The following RYR2 variants were observed in gnomAD, a reference collection of about 807,000 sequenced individuals.
RYR2 encodes the protein cardiac muscle ryanodine receptor-calcium release channel.
Under a neutral mutation model 601.1 loss-of-function variants are expected in RYR2, and 227 were observed. That is an observed-to-expected ratio of 0.38 (90% confidence interval 0.34 to 0.42). RYR2 has a LOEUF of 0.42. Among genes scored for constraint, RYR2 ranks in the 10% least tolerant of loss-of-function variants. The pLI, the probability that RYR2 is intolerant of heterozygous loss-of-function variation, is 1.00. For missense variants in RYR2, 4,646 were observed against 6,156.5 expected (o/e 0.75, Z 8.21); for synonymous variants, 2,223 against 2,175.1 (o/e 1.02, Z -0.61).
At position 237,669,491 on chromosome 1, in the gene RYR2, TG is replaced by T. The variant is rs565796570; in HGVS notation, c.8590+1535del. On this transcript the variant is annotated intron_variant, in intron 58 of 104. Coordinates refer to ENST00000366574, the MANE Select transcript of RYR2 (RefSeq NM_001035.3). The stretch of plus-strand genomic sequence containing the variant: ...CCCCTCACCTCCCGGACGGGGCGGC[TG>T]GCCGGGCGGGGGGCTGACCCCCCCC... Among the ~76,000 whole-genome samples the T allele has an allele frequency of 4.4e-5, 6 of 135,626 alleles. No homozygotes were observed. The South Asian group carries it at 1.6e-3, about 35-fold the overall frequency. The allele number at this position is 135,626 out of a possible 152,430, so 89.0% of individuals were successfully genotyped here. A position where few individuals can be genotyped will look rare whatever the true frequency, so the allele number is the denominator to read the frequency against.
intron 1 of RYR2, among the ~76,000 whole-genome samples, chr1:237,255,335 T>G (rs978558615): frequency 2.6e-5 from 4 of 152,228 alleles, no homozygotes; most frequent in Non-Finnish European, 5.9e-5. Flanking sequence ...GCCAACTTTC[T>G]TATGATAATT....
intron 1 of RYR2, among the ~76,000 whole-genome samples, chr1:237,222,009 G>A (rs918015433): frequency 2.6e-5 from 4 of 152,140 alleles, no homozygotes; most frequent in Admixed American, 6.5e-5. Flanking sequence ...GTGAATAACC[G>A]TTGGCAGGTC....
chr1:237,322,900 T>G (rs1477035080), intron 2 of RYR2, among the ~76,000 whole-genome samples: 2 of 151,342 alleles, frequency 1.3e-5, no homozygotes, highest in African/African-American at 4.9e-5. Flanking sequence ...AGAGTGAAAA[T>G]GTGCTCCAAA....
intron 49 of RYR2, among the ~76,000 whole-genome samples, chr1:237,649,341 A>G (rs1187112618): frequency 6.6e-6 from 1 of 152,172 alleles, no homozygotes; most frequent in Non-Finnish European, 1.5e-5. Flanking sequence ...ATGAAATGAA[A>G]ATTTCTTTTT....
chr1:237,275,756 A>G (rs1019971549), intron 2 of RYR2, among the ~76,000 whole-genome samples: 5 of 152,214 alleles, frequency 3.3e-5, no homozygotes, highest in African/African-American at 1.2e-4. Flanking sequence ...TAAAGTTCAC[A>G]TACCATATTA....
chr1:237,348,205 C>T (rs1342368136), intron 3 of RYR2, among the ~76,000 whole-genome samples: 26 of 152,092 alleles, frequency 1.7e-4, no homozygotes, highest in Admixed American at 1.6e-3. Flanking sequence ...AGGCTGGATT[C>T]GAACTCCTGG....
intron 51 of RYR2, among the ~76,000 whole-genome samples, chr1:237,652,268 A>G (rs1040397231): frequency 8.5e-5 from 13 of 152,204 alleles, no homozygotes; most frequent in Admixed American, 2.0e-4. Context: ...CAGCATAGAA[A>G]AATCACTGGT....
At chr1:237,689,538 T>C (rs896597206) in intron 63 of RYR2, among the ~76,000 whole-genome samples, 1 of 152,154 alleles carries the variant, frequency 6.6e-6, no homozygotes, top group Non-Finnish European at 1.5e-5. Context: ...GTCATGCTTG[T>C]TAGGGGTGAA....
At chr1:237,300,873 G>A (rs1693280903) in intron 2 of RYR2, among the ~76,000 whole-genome samples, 1 of 151,978 alleles carries the variant, frequency 6.6e-6, no homozygotes, top group Non-Finnish European at 1.5e-5. Context: ...TCAGCTTTCT[G>A]CCAGTCAGAC....
intron 16 of RYR2, among the ~76,000 whole-genome samples, chr1:237,460,237 G>A (rs1461147860): frequency 1.3e-5 from 2 of 152,150 alleles, no homozygotes; most frequent in East Asian, 3.9e-4. Flanking sequence ...CCTTGTGAAA[G>A]AGTGTGCTAT....
chr1:237,146,029 A>C (rs2148785495), intron 1 of RYR2, among the ~76,000 whole-genome samples: 1 of 152,316 alleles, frequency 6.6e-6, no homozygotes, highest in South Asian at 2.1e-4. Flanking sequence ...AAATTTGCCA[A>C]GAGTTAGTGT....
chr1:237,309,585 A>G (rs1027255772), intron 2 of RYR2, among the ~76,000 whole-genome samples: 3 of 152,200 alleles, frequency 2.0e-5, no homozygotes, highest in African/African-American at 7.2e-5. Context: ...GATCCCACAC[A>G]AGGGCCGCAG....
rs555977620 is a variant in RYR2 at position 237,660,747 on chromosome 1, G to T, written c.8299-63G>T. 12 of 1,408,850 alleles carry T rather than the reference G, an allele frequency of 8.5e-6. No individual in the cohort carries two copies. The African/African-American group carries it at 1.6e-4, about 19-fold the overall frequency. 87.3% of individuals were successfully genotyped at this position (1,408,850 alleles called of 1,614,324 possible). A position where few individuals can be genotyped will look rare whatever the true frequency, so the allele number is the denominator to read the frequency against. The stretch of plus-strand genomic sequence containing the variant: ...AAGGCAGTCTATTTTAGAGCAAAGC[G>T]TTACTTAACATTTTTATTTACATTC... On this transcript the variant is annotated intron_variant, in intron 55 of 104. Coordinates refer to ENST00000366574, the MANE Select transcript of RYR2 (RefSeq NM_001035.3).
intron 44 of RYR2, 136 bp downstream of exon 44, chr1:237,635,128 T>A: frequency 1.7e-6 from 1 of 587,828 alleles, no homozygotes; most frequent in Non-Finnish European, 2.9e-6. Context: ...AAACCGCAAT[T>A]AATTTTGCAC....
intron 2 of RYR2, among the ~76,000 whole-genome samples, chr1:237,320,122 TG>T (rs908556403): frequency 6.6e-6 from 1 of 152,236 alleles, no homozygotes; most frequent in Non-Finnish European, 1.5e-5. Flanking sequence ...CTTATATTTT[TG>T]TATGCCTTTG....
At chr1:237,528,450 G>A (rs570689472) in intron 24 of RYR2, among the ~76,000 whole-genome samples, 5 of 152,280 alleles carry the variant, frequency 3.3e-5, no homozygotes, top group African/African-American at 1.2e-4. Flanking sequence ...ATGGATAAGG[G>A]AGGACTACTG....
intron 33 of RYR2, among the ~76,000 whole-genome samples, chr1:237,594,446 A>G (rs1675574122): frequency 1.3e-5 from 2 of 152,168 alleles, no homozygotes; most frequent in Admixed American, 1.3e-4. Flanking sequence ...CCCAGCAAAA[A>G]TCTCTAATGA....
intron 101 of RYR2, among the ~76,000 whole-genome samples, chr1:237,822,599 C>T (rs1027313734): frequency 3.9e-5 from 6 of 152,132 alleles, no homozygotes; most frequent in African/African-American, 1.4e-4. Context: ...AGACCATTGA[C>T]ACTATGAAGA....
At chr1:237,314,461 A>G (rs1046272216) in intron 2 of RYR2, among the ~76,000 whole-genome samples, 4 of 152,258 alleles carry the variant, frequency 2.6e-5, no homozygotes, top group Non-Finnish European at 5.9e-5. Flanking sequence ...ATATATTTAT[A>G]GCTAAAGGTT....
Sources: allele counts gnomAD v4.1 joint callset (sites outside exome capture counted in the v4.1 genomes callset), GRCh38; gene constraint gnomAD v4.1.1; transcripts MANE v1.5; gene names NCBI Gene and HGNC (gene_info 2026-07-23, HGNC 2026-07-21).